Variants in GPC5 observed in about 807,000 individuals in gnomAD.
GPC5 encodes the protein glypican-5.
Under a neutral mutation model 53.9 loss-of-function variants are expected in GPC5, and 47 were observed. The ratio of observed to expected loss-of-function variants is 0.87; its 90% CI spans 0.69 to 1.11. The LOEUF is 1.11. Among genes scored for constraint, GPC5 ranks in the 50% most tolerant of loss-of-function variants. The pLI is 0.00. For missense variants in GPC5, 748 were observed against 713.1 expected (o/e 1.05, Z -0.56); for synonymous variants, 286 against 263.3 (o/e 1.09, Z -0.84).
intron 7 of GPC5, among the ~76,000 whole-genome samples, chr13:92,707,216 T>C (rs1030007732): frequency 2.6e-5 from 4 of 152,198 alleles, no homozygotes; most frequent in African/African-American, 7.2e-5. Flanking sequence ...TTGACCCATA[T>C]GTACATTCAG....
chr13:91,660,242 T>C (rs1584154), intron 2 of GPC5, among the ~76,000 whole-genome samples: 23,182 of 152,154 alleles, frequency 0.15, 1,965 homozygotes, highest in East Asian at 0.28. Context: ...TCCTGGATGG[T>C]TTGCTGCAGA....
chr13:91,508,418 A>G (rs1179755733), intron 2 of GPC5, among the ~76,000 whole-genome samples: 5 of 152,216 alleles, frequency 3.3e-5, no homozygotes, highest in African/African-American at 2.4e-5. Flanking sequence ...AAAGGAGGGC[A>G]GACAGGATGG....
At chr13:92,779,482 G>T (rs1485524022) in intron 7 of GPC5, among the ~76,000 whole-genome samples, 1 of 152,030 alleles carries the variant, frequency 6.6e-6, no homozygotes, top group Non-Finnish European at 1.5e-5. Context: ...TGTTTTCCCA[G>T]GTTGCATGGA....
intron 7 of GPC5, among the ~76,000 whole-genome samples, chr13:92,602,813 C>A (rs943777926): frequency 6.6e-6 from 1 of 152,052 alleles, no homozygotes; most frequent in African/African-American, 2.4e-5. Flanking sequence ...TAAAAAGACA[C>A]ACAAGACTCA....
chr13:91,668,827 ATAACT>A (rs1474945777), intron 2 of GPC5, among the ~76,000 whole-genome samples: 4 of 152,216 alleles, frequency 2.6e-5, no homozygotes, highest in Admixed American at 6.5e-5. Context: ...TTTAATAAAT[ATAACT>A]TAATCATTGT....
intron 7 of GPC5, among the ~76,000 whole-genome samples, chr13:92,550,654 G>T (rs1283104295): frequency 6.6e-6 from 1 of 151,684 alleles, no homozygotes; most frequent in African/African-American, 2.4e-5. Flanking sequence ...CTCATGTTTA[G>T]GTATACATGT....
At chr13:92,703,060 T>A (rs199928947) in intron 7 of GPC5, among the ~76,000 whole-genome samples, 60 of 141,854 alleles carry the variant, frequency 4.2e-4, no homozygotes, top group African/African-American at 1.4e-3. Flanking sequence ...ATATATTTAT[T>A]TATTTATTTA....
At chr13:91,686,681 G>A (rs2035629576) in intron 2 of GPC5, among the ~76,000 whole-genome samples, 1 of 151,954 alleles carries the variant, frequency 6.6e-6, no homozygotes, top group South Asian at 2.1e-4. Flanking sequence ...AAGAAAAAAG[G>A]AAATGGAATT....
intron 6 of GPC5, among the ~76,000 whole-genome samples, chr13:92,095,250 C>G (rs927895144): frequency 6.6e-6 from 1 of 152,092 alleles, no homozygotes; most frequent in African/African-American, 2.4e-5. Context: ...AATAAACTTA[C>G]CAAGTTATAG....
chr13:91,433,857 C>A (rs987574424), intron 1 of GPC5, among the ~76,000 whole-genome samples: 3 of 151,910 alleles, frequency 2.0e-5, no homozygotes, highest in African/African-American at 4.8e-5. Context: ...TCCTCTCCAG[C>A]ACCTGTTGTT....
intron 6 of GPC5, among the ~76,000 whole-genome samples, chr13:92,143,129 T>C (rs57541225): frequency 0.14 from 22,053 of 152,092 alleles, 1,847 homozygotes; most frequent in African/African-American, 0.22. Flanking sequence ...TATTATAGAT[T>C]TGAGGAAACT....
intron 7 of GPC5, among the ~76,000 whole-genome samples, chr13:92,763,832 G>A (rs996197068): frequency 3.3e-5 from 5 of 152,206 alleles, no homozygotes; most frequent in African/African-American, 2.4e-5. Flanking sequence ...AGGAAGTGGT[G>A]TTTTGGAGGC....
At chr13:91,560,566 G>A (rs568597359) in intron 2 of GPC5, among the ~76,000 whole-genome samples, 1 of 152,078 alleles carries the variant, frequency 6.6e-6, no homozygotes, top group African/African-American at 2.4e-5. Context: ...GTGTCCATGA[G>A]AACAAATAGA....
intron 7 of GPC5, among the ~76,000 whole-genome samples, chr13:92,453,031 C>T (rs1878128511): frequency 6.6e-6 from 1 of 152,176 alleles, no homozygotes; most frequent in Non-Finnish European, 1.5e-5. Flanking sequence ...CGCAGTATCT[C>T]AGCCAGCTGG....
At chr13:92,755,984 G>C (rs1259145829) in intron 7 of GPC5, among the ~76,000 whole-genome samples, 13 of 151,670 alleles carry the variant, frequency 8.6e-5, no homozygotes, top group Non-Finnish European at 1.2e-4. Flanking sequence ...ATTTTATGAG[G>C]CCAGCATCAT....
intron 7 of GPC5, among the ~76,000 whole-genome samples, chr13:92,324,264 G>A (rs2043235549): frequency 6.6e-6 from 1 of 151,814 alleles, no homozygotes; most frequent in African/African-American, 2.4e-5. Context: ...AGCAGTATGT[G>A]GTCATACTTG....
At chr13:92,568,966 G>A (rs2139038469) in intron 7 of GPC5, among the ~76,000 whole-genome samples, 1 of 151,684 alleles carries the variant, frequency 6.6e-6, no homozygotes, top group African/African-American at 2.4e-5. Context: ...TAGGGTACAT[G>A]TGCACAATTT....
intron 7 of GPC5, among the ~76,000 whole-genome samples, chr13:92,826,881 C>A (rs1877867953): frequency 6.6e-6 from 1 of 152,022 alleles, no homozygotes; most frequent in African/African-American, 2.4e-5. Context: ...TTTAACAAGG[C>A]TTATTGACTT....
intron 6 of GPC5, among the ~76,000 whole-genome samples, chr13:92,040,932 C>T (rs2040936861): frequency 6.6e-6 from 1 of 152,216 alleles, no homozygotes; most frequent in African/African-American, 2.4e-5. Flanking sequence ...CTCACTGCAA[C>T]CTCCACCTCC....
Sources: allele counts gnomAD v4.1 joint callset (sites outside exome capture counted in the v4.1 genomes callset), GRCh38; gene constraint gnomAD v4.1.1; transcripts MANE v1.5; gene names NCBI Gene and HGNC (gene_info 2026-07-23, HGNC 2026-07-21).